The following MYLK variants were observed in gnomAD, a reference collection of about 807,000 sequenced individuals.
The protein encoded by MYLK is myosin light chain kinase, smooth muscle.
Under a neutral mutation model 203.4 loss-of-function variants are expected in MYLK, and 106 were observed. The ratio of observed to expected loss-of-function variants is 0.52; its 90% CI spans 0.45 to 0.61. The LOEUF (loss-of-function observed/expected upper bound fraction) is 0.61, where lower values mean the gene tolerates loss of function less well. MYLK is among the 20% of genes least tolerant of loss of function. The probability of loss-of-function intolerance (pLI) is 0.00; values close to 1 mark genes in which losing one functional copy is unlikely to be tolerated. For missense variants in MYLK, 2,072 were observed against 2,442.3 expected (o/e 0.85, Z 3.20); for synonymous variants, 867 against 959.5 (o/e 0.90, Z 1.78).
At chr3:123,868,649 C>T (rs1287381819) in intron 2 of MYLK, among the ~76,000 whole-genome samples, 1 of 152,166 alleles carries the variant, frequency 6.6e-6, no homozygotes, top group Non-Finnish European at 1.5e-5. Context: ...ATTGTGGCCA[C>T]CTGATCTTGG....
chr3:123,793,125 T>A (rs530605326), intron 4 of MYLK, among the ~76,000 whole-genome samples: 34 of 152,322 alleles, frequency 2.2e-4, no homozygotes, highest in African/African-American at 7.9e-4. Flanking sequence ...AGACAAGGAA[T>A]GATCATGCCT....
intron 24 of MYLK, among the ~76,000 whole-genome samples, chr3:123,652,386 C>G (rs1322837507): frequency 6.6e-6 from 1 of 152,158 alleles, no homozygotes; most frequent in Non-Finnish European, 1.5e-5. Context: ...TTTCTGCAAA[C>G]AGATGAGAGT....
At chr3:123,852,201 A>G (rs2030886226) in intron 2 of MYLK, among the ~76,000 whole-genome samples, 1 of 152,170 alleles carries the variant, frequency 6.6e-6, no homozygotes, top group Admixed American at 6.5e-5. Context: ...GTGGTCTAAA[A>G]TTCTCTTTTT....
chr3:123,874,655 C>T (rs1439618495), intron 2 of MYLK, among the ~76,000 whole-genome samples: 1 of 152,126 alleles, frequency 6.6e-6, no homozygotes, highest in Non-Finnish European at 1.5e-5. Context: ...CAATTAAAGA[C>T]TTCTGTCATG....
At chr3:123,696,954 C>T (rs1427067792) in intron 18 of MYLK, among the ~76,000 whole-genome samples, 2 of 152,214 alleles carry the variant, frequency 1.3e-5, no homozygotes, top group African/African-American at 4.8e-5. Context: ...GCTGCGGGGC[C>T]CCCGCCTGGA....
Position 123,647,240 on chromosome 3 carries a change from C to T in MYLK, c.4603G>A (p.Val1535Ile), listed in dbSNP as rs776503378. The change falls in exon 27 of 34, where the codon GTC (valine) becomes ATC (isoleucine). Residue 1535 changes from valine to isoleucine, a missense_variant. Coordinates refer to ENST00000360304, the MANE Select transcript of MYLK (RefSeq NM_053025.4). ...VDAFEEKANI[V>I]MVLEIVSGGE... The stretch of plus-strand genomic sequence containing the variant: ...GCCACTCACATCTCCAGGACCATGA[C>T]GATGTTGGCCTTTTCTTCAAAGGCA... 14 of 1,614,172 alleles carry T rather than the reference C, an allele frequency of 8.7e-6. No homozygotes were observed. The highest frequency in any genetic ancestry group is 1.7e-5 in the Admixed American group (1 of 60,034).
intron 12 of MYLK, among the ~76,000 whole-genome samples, chr3:123,722,535 G>C (rs913870970): frequency 6.6e-6 from 1 of 152,192 alleles, no homozygotes; most frequent in African/African-American, 2.4e-5. Flanking sequence ...GGGGCCTAGA[G>C]GGATGGGGGA....
intron 2 of MYLK, among the ~76,000 whole-genome samples, chr3:123,856,080 G>A (rs967030511): frequency 5.3e-5 from 8 of 152,148 alleles, no homozygotes; most frequent in African/African-American, 9.7e-5. Flanking sequence ...ACTGGGGCCT[G>A]GGCACCTGAG....
intron 23 of MYLK, among the ~76,000 whole-genome samples, chr3:123,658,197 T>A (rs2059450599): frequency 6.6e-6 from 1 of 152,236 alleles, no homozygotes; most frequent in Non-Finnish European, 1.5e-5. Context: ...CTCAGAGGGC[T>A]GTTGAGATAT....
At position 123,614,343 on chromosome 3, in the gene MYLK, G is replaced by A; in HGVS notation, c.5507C>T (p.Pro1836Leu). 6.2e-7 allele frequency: 1 copy of A among 1,614,140 alleles called. No individual in the cohort carries two copies. Among genetic ancestry groups the A allele is most frequent in the Non-Finnish European group, 8.5e-7 (1 of 1,180,034 alleles). Residue 1836 changes from proline to leucine, a missense_variant, in exon 34 of 34, where the codon CCA (proline) becomes CTA (leucine). Physicochemically the swap from Pro to Leu is moderately conservative, Grantham distance 98. Around this residue, in one of 3 missense-constraint regions of MYLK, gnomAD observed 524 missense variants for 782.4 expected, o/e 0.67. Coordinates refer to ENST00000360304, the MANE Select transcript of MYLK (RefSeq NM_053025.4). ...ARFDCKIEGY[P>L]DPEVVWFKDD... ...TTTGAACCAGACAACCTCGGGGTCT[G>A]GGTATCCTGCATCACAGGGAGAGAA...
intron 18 of MYLK, 117 bp downstream of exon 18, chr3:123,699,903 C>A: frequency 7.1e-7 from 1 of 1,407,334 alleles, no homozygotes. Context: ...ACCTGCTAAA[C>A]CAGGTTAGCA....
At chr3:123,785,697 A>G (rs2109056387) in intron 4 of MYLK, among the ~76,000 whole-genome samples, 1 of 152,348 alleles carries the variant, frequency 6.6e-6, no homozygotes, top group Admixed American at 6.5e-5. Context: ...AAGGCTCTCA[A>G]TCAGCCCTGT....
chr3:123,841,917 T>C (rs1158579623), intron 2 of MYLK, among the ~76,000 whole-genome samples: 1 of 152,150 alleles, frequency 6.6e-6, no homozygotes, highest in Non-Finnish European at 1.5e-5. Flanking sequence ...CTAACATTTA[T>C]TAGGTATCTT....
chr3:123,849,612 G>A (rs1054322532), intron 2 of MYLK, among the ~76,000 whole-genome samples: 6 of 152,286 alleles, frequency 3.9e-5, no homozygotes, highest in South Asian at 2.1e-4. Flanking sequence ...ACAGTTTGCC[G>A]GAGAAATGGA....
chr3:123,849,822 C>T (rs1483749316), intron 2 of MYLK, among the ~76,000 whole-genome samples: 1 of 151,944 alleles, frequency 6.6e-6, no homozygotes, highest in Non-Finnish European at 1.5e-5. Context: ...TATACATGTG[C>T]CCTGTTGGTG....
chr3:123,771,352 G>A (rs1285286659), intron 4 of MYLK, among the ~76,000 whole-genome samples: 2 of 152,120 alleles, frequency 1.3e-5, no homozygotes, highest in Non-Finnish European at 2.9e-5. Context: ...ACAGATCAGT[G>A]GTTAGAGTCC....
chr3:123,687,688 T>G (rs1433391702), intron 19 of MYLK, among the ~76,000 whole-genome samples: 3 of 151,788 alleles, frequency 2.0e-5, no homozygotes, highest in African/African-American at 7.3e-5. Context: ...TCTTCTTTTT[T>G]TTTGACAGGG....
chr3:123,799,568 C>T (rs2065118844), intron 3 of MYLK, among the ~76,000 whole-genome samples: 1 of 152,078 alleles, frequency 6.6e-6, no homozygotes, highest in East Asian at 1.9e-4. Flanking sequence ...GGAGGGGCTC[C>T]CAAGCAGGCT....
chr3:123,851,910 A>T (rs1416296453), intron 2 of MYLK, among the ~76,000 whole-genome samples: 1 of 152,206 alleles, frequency 6.6e-6, no homozygotes, highest in East Asian at 1.9e-4. Context: ...TTATTTTGAG[A>T]TACATCCAAT....
Sources: allele counts gnomAD v4.1 joint callset (sites outside exome capture counted in the v4.1 genomes callset), GRCh38; gene constraint gnomAD v4.1.1; regional missense constraint gnomAD v4.1.1; transcripts MANE v1.5; gene names NCBI Gene and HGNC (gene_info 2026-07-23, HGNC 2026-07-21).